The following IARS2 variants were observed in gnomAD, a reference collection of about 807,000 sequenced individuals.
IARS2 encodes the protein isoleucine--tRNA ligase, mitochondrial.
In IARS2, 56 loss-of-function variants were observed where a neutral mutation model predicts 126.3. The observed-to-expected ratio is 0.44, with a 90% CI of 0.36 to 0.55. The LOEUF (loss-of-function observed/expected upper bound fraction) is 0.55, where lower values mean the gene tolerates loss of function less well. IARS2 is among the 20% of genes least tolerant of loss of function. The pLI, the probability that IARS2 is intolerant of heterozygous loss-of-function variation, is 0.00. For synonymous variants in IARS2, 407 were observed against 441.1 expected (o/e 0.92, Z 0.97); for missense variants, 1,127 against 1,245.9 (o/e 0.90, Z 1.44).
chr1:220,105,418 G>C (rs1656659148), intron 8 of IARS2, among the ~76,000 whole-genome samples: 1 of 152,132 alleles, frequency 6.6e-6, no homozygotes, highest in Non-Finnish European at 1.5e-5. Flanking sequence ...GTTGCTATTT[G>C]AGTCACCATA....
intron 13 of IARS2, among the ~76,000 whole-genome samples, chr1:220,125,581 A>G (rs1657134337): frequency 6.6e-6 from 1 of 152,210 alleles, no homozygotes; most frequent in South Asian, 2.1e-4. Context: ...AGGCAGACAG[A>G]TAGCTTGAGT....
Position 220,143,148 on chromosome 1 carries a change from T to G in IARS2, c.2751+14T>G, listed in dbSNP as rs1379294538. On this transcript the variant is annotated intron_variant, in intron 21 of 22. Transcript: ENST00000366922. ...GAGATAATAGAGGTATGCAGCAATA[T>G]GTACCTTTTGAAATGGTGTTAGTAT... 3.1e-6 allele frequency: 5 copies of G among 1,595,224 alleles called. No homozygotes were observed. Among genetic ancestry groups the G allele is most frequent in the Non-Finnish European group, 4.3e-6 (5 of 1,165,996 alleles).
At chr1:220,137,064 G>T (rs199509230) in intron 16 of IARS2, among the ~76,000 whole-genome samples, 153 bp downstream of exon 16, 1 of 152,224 alleles carries the variant, frequency 6.6e-6, no homozygotes, top group Non-Finnish European at 1.5e-5. Flanking sequence ...CAGAGGCTGG[G>T]ATTGTGGTCC....
chr1:220,141,932 C>T lies in IARS2; in HGVS notation c.2544C>T (p.His848=), dbSNP rs756039447. Residue 848 remains histidine, a synonymous_variant, in exon 20 of 23, where the codon CAC becomes CAT. Coordinates refer to ENST00000366922, the MANE Select transcript of IARS2 (RefSeq NM_018060.4). Reference sequence around the variant, plus strand: ...ACCTGGCTGAAGAGGTGTTCCAGCACATACCTTATATTAAAGGTAAGGAAT... The same window carrying T: ...ACCTGGCTGAAGAGGTGTTCCAGCATATACCTTATATTAAAGGTAAGGAAT... The part of the protein sequence containing the change: ...LPHLAEEVFQ[H]IPYIKEPKSV... 1 of 1,613,886 alleles carries T rather than the reference C, an allele frequency of 6.2e-7. No individual in the cohort carries two copies. Among genetic ancestry groups the T allele is most frequent in the Non-Finnish European group, 8.5e-7 (1 of 1,179,896 alleles).
At chr1:220,098,090 T>C (rs1656485408) in intron 2 of IARS2, among the ~76,000 whole-genome samples, 2 of 152,062 alleles carry the variant, frequency 1.3e-5, no homozygotes, top group Non-Finnish European at 2.9e-5. Flanking sequence ...GGTTTCACCA[T>C]GTTAGCCAGG....
chr1:220,096,923 A>G (rs1353782995), intron 2 of IARS2, among the ~76,000 whole-genome samples: 16 of 152,140 alleles, frequency 1.1e-4, no homozygotes, highest in South Asian at 2.1e-4. Flanking sequence ...GCGGGAGCCT[A>G]TAGTCCCAGC....
intron 11 of IARS2, among the ~76,000 whole-genome samples, chr1:220,111,512 A>T (rs974226825): frequency 4.0e-5 from 6 of 151,266 alleles, no homozygotes; most frequent in African/African-American, 1.5e-4. Flanking sequence ...AATACTTATA[A>T]TTGGTATTTA....
At chr1:220,109,914 T>C (rs1656761327) in intron 10 of IARS2, among the ~76,000 whole-genome samples, 2 of 152,344 alleles carry the variant, frequency 1.3e-5, no homozygotes, top group South Asian at 4.1e-4. Context: ...CTAGATATAA[T>C]CTGTTCATCT....
Position 220,134,765 on chromosome 1 carries a change from G to GT in IARS2, c.1946+257dup, listed in dbSNP as rs1441548886. 333 of 206,688 alleles carry GT rather than the reference G, an allele frequency of 1.6e-3. 1 individual carries two copies. The highest frequency in any genetic ancestry group is 3.5e-3 in the South Asian group (18 of 5,090). The allele number at this position is 206,688 out of a possible 1,614,324, so 12.8% of individuals were successfully genotyped here. ...GGAACTTATGTAGTTCTTTGTTGTT[G>GT]TTGTTTTTTTTTTTTTTTTTGAAAA... On this transcript the variant is annotated intron_variant, in intron 15 of 22. Coordinates refer to ENST00000366922, the MANE Select transcript of IARS2 (RefSeq NM_018060.4).
intron 17 of IARS2, among the ~76,000 whole-genome samples, chr1:220,138,532 AATTT>A: frequency 6.6e-6 from 1 of 151,918 alleles, no homozygotes; most frequent in Middle Eastern, 3.4e-3. Context: ...TAATACCAGT[AATTT>A]TATATAATTT....
At chr1:220,143,463 G>A (rs995119461) in intron 21 of IARS2, 2 of 201,248 alleles carry the variant, frequency 9.9e-6, no homozygotes, top group African/African-American at 2.3e-5. Context: ...CTTGTAAAAC[G>A]TGTTCTGTGC....
At chr1:220,139,982 G>A (rs1271470137) in intron 18 of IARS2, among the ~76,000 whole-genome samples, 1 of 152,174 alleles carries the variant, frequency 6.6e-6, no homozygotes, top group South Asian at 2.1e-4. Context: ...AGTTCTCAGA[G>A]TAAAATAGTA....
intron 14 of IARS2, among the ~76,000 whole-genome samples, chr1:220,127,916 C>T (rs1297276484): frequency 2.0e-5 from 3 of 151,832 alleles, no homozygotes; most frequent in Non-Finnish European, 2.9e-5. Flanking sequence ...ATTTTTCTCC[C>T]AGCATATTCG....
At position 220,102,552 on chromosome 1, in the gene IARS2, A is replaced by G. The variant is rs1321322474; in HGVS notation, c.807A>G (p.Ile269Met). Reference protein sequence around the residue: ...EYNPEHVSRSIYVKFPLLKPS... With the variant: ...EYNPEHVSRSMYVKFPLLKPS... ...ATCCTGAGCATGTCAGTCGTTCAAT[A>G]TATGTAAAATTTCCTCTCTTAAAGC... The change falls in exon 6 of 23, where the codon ATA becomes ATG. Residue 269 changes from isoleucine (I) to methionine (M), a missense_variant. Coordinates refer to ENST00000366922, the MANE Select transcript of IARS2 (RefSeq NM_018060.4). 1.2e-6 allele frequency: 2 copies of G among 1,613,902 alleles called. No individual in the cohort carries two copies. The highest frequency in any genetic ancestry group is 2.2e-5 in the East Asian group (1 of 44,864).
chr1:220,137,664 A>G (rs1446613592), intron 16 of IARS2: 7 of 374,132 alleles, frequency 1.9e-5, no homozygotes, highest in African/African-American at 1.2e-4. Context: ...GGAAACAGAC[A>G]TGACCAGGGA....
At chr1:220,131,183 A>G (rs1379151509) in intron 14 of IARS2, among the ~76,000 whole-genome samples, 2 of 151,140 alleles carry the variant, frequency 1.3e-5, no homozygotes, top group Non-Finnish European at 3.0e-5. Flanking sequence ...TTATTTATTT[A>G]TTTATTTATT....
intron 12 of IARS2, among the ~76,000 whole-genome samples, chr1:220,123,625 C>T (rs1251932815): frequency 6.6e-6 from 1 of 152,156 alleles, no homozygotes; most frequent in Non-Finnish European, 1.5e-5. Flanking sequence ...AGGCGCCCGC[C>T]ACCATGCCCG....
rs569614058 is a variant in IARS2, at chr1:220,126,912, A to T, written c.1837+69A>T. On this transcript the variant is annotated intron_variant, in intron 14 of 22. Coordinates refer to ENST00000366922, the MANE Select transcript of IARS2 (RefSeq NM_018060.4). Reference sequence around the variant, plus strand: ...AATATGGAATTGGTATTTAGAAGGGATCTATAATCAAACTCTTTTTCTGTG... The same window carrying T: ...AATATGGAATTGGTATTTAGAAGGGTTCTATAATCAAACTCTTTTTCTGTG... 35 of 1,081,450 alleles carry T rather than the reference A, an allele frequency of 3.2e-5. 1 individual carries two copies. The East Asian group carries it at 5.1e-4, about 16-fold the overall frequency. The allele number at this position is 1,081,450 out of a possible 1,614,324, so 67.0% of individuals were successfully genotyped here.
intron 16 of IARS2, among the ~76,000 whole-genome samples, chr1:220,137,129 T>A (rs1299950028): frequency 6.6e-6 from 1 of 152,206 alleles, no homozygotes; most frequent in Non-Finnish European, 1.5e-5. Context: ...ACGCTGTTTC[T>A]TTTTTAATTG....
Sources: gnomAD v4.1 joint callset for allele counts (sites outside exome capture counted in the v4.1 genomes callset) on GRCh38, gnomAD v4.1.1 for gene constraint, MANE v1.5 for transcripts, NCBI Gene and HGNC (gene_info 2026-07-23, HGNC 2026-07-21) for gene names.